The following TEN1 variants were observed in gnomAD, a reference collection of about 807,000 sequenced individuals.
TEN1 encodes CST complex subunit TEN1.
In TEN1, 6 loss-of-function variants were observed where a neutral mutation model predicts 9.3. The ratio of observed to expected loss-of-function variants is 0.65; its 90% CI spans 0.35 to 1.27. The LOEUF (loss-of-function observed/expected upper bound fraction) is 1.27. TEN1 is among the 50% of genes most tolerant of loss of function. The pLI is 0.03. For missense variants in TEN1, 149 were observed against 158.2 expected (o/e 0.94, Z 0.31); for synonymous variants, 65 against 65.6 (o/e 0.99, Z 0.04).
chr17:75,984,063 C>A (rs190374188), intron 1 of TEN1, among the ~76,000 whole-genome samples: 1 of 152,016 alleles, frequency 6.6e-6, no homozygotes, highest in Non-Finnish European at 1.5e-5. Context: ...AAGGTGGCTG[C>A]GTTTTAGGGA....
chr17:75,979,869 G>T (rs2066103107), intron 1 of TEN1, among the ~76,000 whole-genome samples: 1 of 151,470 alleles, frequency 6.6e-6, no homozygotes, highest in East Asian at 2.0e-4. Flanking sequence ...CGCTGTTCAA[G>T]GGGTGGACGG....
Position 76,000,003 on chromosome 17 carries a change from C to T in TEN1, c.251-138C>T, listed in dbSNP as rs17881959. On this transcript the variant is annotated intron_variant, in intron 3 of 3. Transcript: ENST00000397640. The surrounding 1 kb of genome is among the most constrained non-coding windows in gnomAD (Gnocchi z 5.9). Reference sequence around the variant, plus strand: ...GCCCAAATACTCAGTTGCCTTTGCCCCATATGCTGTTATTGTCCACATCAC... The same window carrying T: ...GCCCAAATACTCAGTTGCCTTTGCCTCATATGCTGTTATTGTCCACATCAC... 51,187 of 1,351,012 alleles carry T rather than the reference C, an allele frequency of 0.038. 1,031 individuals carry two copies. Among genetic ancestry groups the T allele is most frequent in the Middle Eastern group, 0.049 (183 of 3,728 alleles). The allele number at this position is 1,351,012 out of a possible 1,614,324, so 83.7% of individuals were successfully genotyped here. A position where few individuals can be genotyped will look rare whatever the true frequency, so the allele number is the denominator to read the frequency against.
At chr17:75,980,612 A>G (rs2066110955) in intron 1 of TEN1, among the ~76,000 whole-genome samples, 1 of 151,994 alleles carries the variant, frequency 6.6e-6, no homozygotes, top group Admixed American at 6.6e-5. Context: ...TTTAGTAGAG[A>G]CAGGATTTTG....
At chr17:75,998,409 G>A (rs1348664882) in intron 3 of TEN1, among the ~76,000 whole-genome samples, 1 of 152,018 alleles carries the variant, frequency 6.6e-6, no homozygotes, top group African/African-American at 2.4e-5. Context: ...CCCTCCCAAA[G>A]TGTTGGGATT....
At chr17:75,986,037 C>G in intron 1 of TEN1, 150 bp from the exon 2 acceptor site, 1 of 565,454 alleles carries the variant, frequency 1.8e-6, no homozygotes, top group East Asian at 3.1e-5. Context: ...TATCCCTCCC[C>G]CCAAAAAATT....
intron 1 of TEN1, among the ~76,000 whole-genome samples, chr17:75,985,431 A>G (rs950751661): frequency 6.6e-6 from 1 of 152,090 alleles, no homozygotes; most frequent in Non-Finnish European, 1.5e-5. Context: ...TACAGGCATG[A>G]GCCACTGTGC....
intron 1 of TEN1, among the ~76,000 whole-genome samples, chr17:75,981,771 T>C (rs1481861169): frequency 6.6e-6 from 1 of 152,074 alleles, no homozygotes; most frequent in Non-Finnish European, 1.5e-5. Flanking sequence ...GGCTCACGCC[T>C]ATAATCCTGG....
intron 2 of TEN1, among the ~76,000 whole-genome samples, chr17:75,988,240 CAA>C (rs749108730): frequency 6.9e-4 from 62 of 89,340 alleles, no homozygotes; most frequent in Admixed American, 1.2e-3. Context: ...AATTCGGCCT[CAA>C]AAAAAAAAAA....
At chr17:75,999,804 C>T (rs566476912) in intron 3 of TEN1, among the ~76,000 whole-genome samples, 1 of 152,238 alleles carries the variant, frequency 6.6e-6, no homozygotes, top group African/African-American at 2.4e-5. Context: ...GCCAAACTTA[C>T]CGGGAGCTCA....
At chr17:75,994,305 A>G (rs1183907973) in intron 3 of TEN1, among the ~76,000 whole-genome samples, 1 of 150,176 alleles carries the variant, frequency 6.7e-6, no homozygotes, top group East Asian at 2.1e-4. Flanking sequence ...GTGGTGGTGC[A>G]TGCCTGTAAT....
chr17:75,985,997 G>A (rs1480263440), intron 1 of TEN1, 190 bp from the exon 2 acceptor site: 4 of 377,212 alleles, frequency 1.1e-5, no homozygotes, highest in Admixed American at 4.4e-5. Context: ...CCATTAACTC[G>A]TCATTTACAT....
At chr17:75,996,015 C>T (rs959832529) in intron 3 of TEN1, among the ~76,000 whole-genome samples, 1 of 152,022 alleles carries the variant, frequency 6.6e-6, no homozygotes, top group African/African-American at 2.4e-5. Context: ...TGGCTTGAGG[C>T]AGGAGTTCGA....
rs554970979 is a variant in TEN1, at chr17:75,996,806, T to G, written c.251-3335T>G. Among the ~76,000 whole-genome samples, 33 of 152,000 alleles carry G rather than the reference T, an allele frequency of 2.2e-4. No homozygotes were observed. The South Asian group carries it at 4.0e-3, about 18-fold the overall frequency. The stretch of plus-strand genomic sequence containing the variant: ...AGGGAGGGAGGGAAACCTTCCTGTG[T>G]GTCCCCTGTGCACCTCCCTCTTCGA... On this transcript the variant is annotated intron_variant, in intron 3 of 3. Coordinates refer to ENST00000397640, the MANE Select transcript of TEN1 (RefSeq NM_001113324.3).
chr17:75,987,916 C>CA (rs34957837), intron 2 of TEN1, among the ~76,000 whole-genome samples: 229 of 51,022 alleles, frequency 4.5e-3, no homozygotes, highest in Non-Finnish European at 5.7e-3. Flanking sequence ...GACTCCATCT[C>CA]AAAAAAAAAA....
intron 1 of TEN1, among the ~76,000 whole-genome samples, chr17:75,983,046 C>T (rs1196115103): frequency 2.0e-5 from 3 of 151,326 alleles, no homozygotes; most frequent in Non-Finnish European, 2.9e-5. Flanking sequence ...TCTGGGAGGC[C>T]GAGGTGGGTG....
intron 2 of TEN1, among the ~76,000 whole-genome samples, chr17:75,986,958 T>C (rs35792152): frequency 0.052 from 7,887 of 152,172 alleles, 210 homozygotes; most frequent in Middle Eastern, 0.12. Context: ...TTATCAGTTA[T>C]ATATTGCTAT....
intron 1 of TEN1, among the ~76,000 whole-genome samples, chr17:75,985,424 A>G (rs976205952): frequency 2.0e-5 from 3 of 152,236 alleles, no homozygotes; most frequent in Non-Finnish European, 4.4e-5. Flanking sequence ...CTGGGATTAC[A>G]GGCATGAGCC....
At chr17:75,983,592 A>C (rs1055604395) in intron 1 of TEN1, among the ~76,000 whole-genome samples, 2 of 152,240 alleles carry the variant, frequency 1.3e-5, no homozygotes, top group Non-Finnish European at 2.9e-5. Flanking sequence ...CATGGAGAGC[A>C]TGGCATTACA....
intron 1 of TEN1, chr17:75,984,711 T>A (rs2066141494): frequency 1.3e-5 from 2 of 152,284 alleles, no homozygotes; most frequent in African/African-American, 4.8e-5. Flanking sequence ...ATTTGTAGCT[T>A]CTAGCAGGTA....
Sources: allele counts gnomAD v4.1 joint callset (sites outside exome capture counted in the v4.1 genomes callset), GRCh38; gene constraint gnomAD v4.1.1; non-coding constraint Gnocchi (gnomAD v3.1); transcripts MANE v1.5; gene names NCBI Gene and HGNC (gene_info 2026-07-23, HGNC 2026-07-21).